The following ABHD2 variants were observed in gnomAD, a reference collection of about 807,000 sequenced individuals.
ABHD2 encodes monoacylglycerol lipase ABHD2.
A neutral mutation model predicts 48.1 loss-of-function variants in ABHD2; 20 were observed. That is an observed-to-expected ratio of 0.42 (90% CI 0.29 to 0.60). The LOEUF (loss-of-function observed/expected upper bound fraction) is 0.60. Ranked by LOEUF, ABHD2 falls within the 20% of genes least tolerant of loss-of-function variation. ABHD2 has a pLI of 0.24. For synonymous variants in ABHD2, 209 were observed against 214.2 expected (o/e 0.98, Z 0.21); for missense variants, 405 against 550.9 (o/e 0.74, Z 2.65).
At chr15:89,119,815 T>A (rs904246777) in intron 3 of ABHD2, among the ~76,000 whole-genome samples, 9 of 152,170 alleles carry the variant, frequency 5.9e-5, no homozygotes, top group African/African-American at 2.2e-4. Flanking sequence ...CTGTGTCACA[T>A]GACTATAACA....
chr15:89,131,338 T>C (rs1453199795), intron 3 of ABHD2, among the ~76,000 whole-genome samples: 1 of 152,212 alleles, frequency 6.6e-6, no homozygotes, highest in Non-Finnish European at 1.5e-5. Context: ...CCTTCATACC[T>C]CCACACAGCC....
chr15:89,079,271 A>G, the ABHD2 span, among the ~76,000 whole-genome samples: 1 of 152,212 alleles, frequency 6.6e-6, no homozygotes, highest in Non-Finnish European at 1.5e-5. This position sits in a 1 kb window ranked among gnomAD's most constrained non-coding sequence, Gnocchi z 4.3. Flanking sequence ...GCCGCATAGG[A>G]AAGTAATCTC....
In ABHD2 at chr15:89,191,178, G is replaced by C. The variant is rs371410365; in HGVS notation, c.996+29G>C. 567 of 1,610,514 alleles carry C rather than the reference G, an allele frequency of 3.5e-4. 1 individual carries two copies. The highest frequency in any genetic ancestry group is 4.5e-4 in the Non-Finnish European group (524 of 1,177,146). On this transcript the variant is annotated intron_variant, in intron 9 of 10. Transcript: ENST00000352732. ...AGTGGCCATCACGGGCTCAGAATCAGCATCACTCCACCCAGCCTCGCACAC... is the reference window on the plus strand; with the variant it reads ...AGTGGCCATCACGGGCTCAGAATCACCATCACTCCACCCAGCCTCGCACAC...
chr15:89,099,592 A>G (rs902481025), intron 1 of ABHD2, among the ~76,000 whole-genome samples: 1 of 152,074 alleles, frequency 6.6e-6, no homozygotes, highest in Non-Finnish European at 1.5e-5. Context: ...CAGCCTGGGT[A>G]ACAGAGCAAG....
At chr15:89,093,284 G>A (rs1901673878) in intron 1 of ABHD2, among the ~76,000 whole-genome samples, 1 of 146,206 alleles carries the variant, frequency 6.8e-6, no homozygotes, top group Non-Finnish European at 1.5e-5. Flanking sequence ...GGGTTCAAAC[G>A]ATTTTCCTGC....
the ABHD2 span, among the ~76,000 whole-genome samples, chr15:89,081,504 C>G: frequency 2.1e-4 from 32 of 152,184 alleles, no homozygotes; most frequent in Admixed American, 7.9e-4. Flanking sequence ...GTGGGTGATA[C>G]AAGAGATGAT....
chr15:89,041,213 C>T, the ABHD2 span: 2 of 152,212 alleles, frequency 1.3e-5, no homozygotes. Context: ...CCTGCAGCCT[C>T]GGTGGAGCAG....
At chr15:89,062,625 C>T in the ABHD2 span, among the ~76,000 whole-genome samples, 3 of 152,012 alleles carry the variant, frequency 2.0e-5, no homozygotes, top group Non-Finnish European at 4.4e-5. Flanking sequence ...TGGGCTCAAG[C>T]GATTCACCTG....
intron 5 of ABHD2, among the ~76,000 whole-genome samples, chr15:89,158,856 G>T (rs1348580953): frequency 6.6e-6 from 1 of 151,738 alleles, no homozygotes; most frequent in Non-Finnish European, 1.5e-5. Flanking sequence ...TAGAGACAAG[G>T]TCTCACTATG....
At chr15:89,150,102 C>T (rs1188429911) in intron 3 of ABHD2, among the ~76,000 whole-genome samples, 1 of 152,164 alleles carries the variant, frequency 6.6e-6, no homozygotes, top group African/African-American at 2.4e-5. Flanking sequence ...GTTCTATTTT[C>T]TGAGATTATA....
chr15:89,107,634 G>A (rs2049807739), intron 1 of ABHD2, among the ~76,000 whole-genome samples: 1 of 152,196 alleles, frequency 6.6e-6, no homozygotes, highest in Non-Finnish European at 1.5e-5. Context: ...TACAGATGGT[G>A]TTCAGAGGGA....
At chr15:89,160,661 G>T (rs2050748673) in intron 5 of ABHD2, among the ~76,000 whole-genome samples, 1 of 152,174 alleles carries the variant, frequency 6.6e-6, no homozygotes, top group South Asian at 2.1e-4. Flanking sequence ...TTATGGCTTA[G>T]CTGAGGGGCC....
chr15:89,127,706 C>CATATATATATATATATGTATAT (rs71464446), intron 3 of ABHD2, among the ~76,000 whole-genome samples: 2 of 129,916 alleles, frequency 1.5e-5, no homozygotes, highest in African/African-American at 7.2e-5. Flanking sequence ...TATATATATA[C>CATATATATATATATATGTATAT]ATATATATAT....
At position 89,201,788 on chromosome 15, in the gene ABHD2, G is replaced by GGA; in HGVS notation, c.*6367_*6368dup. The GGA allele has an allele frequency of 7.0e-7, 1 of 1,427,460 alleles. No homozygotes were observed. The highest frequency in any genetic ancestry group is 9.9e-7 in the Non-Finnish European group (1 of 1,014,160). 88.4% of individuals were successfully genotyped at this position (1,427,460 alleles called of 1,614,324 possible). ...TCTGCTCGTGCTTCGCCGTGGCCCC[G>GGA]GAGGCAGACGCCATTGGAGAGACAG... On this transcript the variant is annotated 3_prime_UTR_variant, in exon 11 of 11. Transcript: ENST00000352732.
intron 6 of ABHD2, among the ~76,000 whole-genome samples, chr15:89,183,603 T>A (rs568101675): frequency 3.3e-5 from 5 of 152,072 alleles, no homozygotes; most frequent in African/African-American, 9.6e-5. Context: ...ATCCTTGTCC[T>A]GATCCCTCCC....
chr15:89,150,474 G>T lies in ABHD2; in HGVS notation c.195-1203G>T, dbSNP rs74432923. On this transcript the variant is annotated intron_variant, in intron 3 of 10. Coordinates refer to ENST00000352732, the MANE Select transcript of ABHD2 (RefSeq NM_152924.5). Reference sequence around the variant, plus strand: ...TTTTGCAGTGATATTTGCACCTGTGGTGTTACGCTGGCAAGTGGCTTCATG... The same window carrying T: ...TTTTGCAGTGATATTTGCACCTGTGTTGTTACGCTGGCAAGTGGCTTCATG... Among the ~76,000 whole-genome samples, 69 of 152,248 alleles carry T rather than the reference G, an allele frequency of 4.5e-4. 2 individuals carry two copies. In the East Asian group the frequency reaches 0.013, roughly 29 times the overall value.
the ABHD2 span, among the ~76,000 whole-genome samples, chr15:89,049,174 G>T: frequency 3.8e-4 from 58 of 152,244 alleles, no homozygotes; most frequent in African/African-American, 1.3e-3. Flanking sequence ...TGCCCCTGCT[G>T]GGGGGTGCCT....
chr15:89,128,004 TC>T (rs1472373543), intron 3 of ABHD2, among the ~76,000 whole-genome samples: 1 of 152,112 alleles, frequency 6.6e-6, no homozygotes, highest in African/African-American at 2.4e-5. Context: ...GTATCTCTCG[TC>T]ACACCTCAAG....
At chr15:89,041,443 C>T in the ABHD2 span, 1 of 152,212 alleles carries the variant, frequency 6.6e-6, no homozygotes, top group Non-Finnish European at 1.5e-5. Flanking sequence ...TGTCTCCACC[C>T]ATCAGTATTC....
Sources: allele counts gnomAD v4.1 joint callset (sites outside exome capture counted in the v4.1 genomes callset), GRCh38; gene constraint gnomAD v4.1.1; non-coding constraint Gnocchi (gnomAD v3.1); transcripts MANE v1.5; gene names NCBI Gene and HGNC (gene_info 2026-07-23, HGNC 2026-07-21).